The following ATXN1 variants were observed in gnomAD, a reference collection of about 807,000 sequenced individuals.
ATXN1 encodes the protein ataxin-1.
A neutral mutation model predicts 56.4 loss-of-function variants in ATXN1; 8 were observed. That is an observed-to-expected ratio of 0.14 (90% CI 0.08 to 0.26). The LOEUF (loss-of-function observed/expected upper bound fraction) is 0.26, where lower values mean the gene tolerates loss of function less well. Among genes scored for constraint, ATXN1 ranks in the 10% least tolerant of loss-of-function variants. ATXN1 has a pLI of 1.00. For synonymous variants in ATXN1, 514 were observed against 494.6 expected (o/e 1.04, Z -0.52); for missense variants, 987 against 1,106.5 (o/e 0.89, Z 1.53).
intron 6 of ATXN1, among the ~76,000 whole-genome samples, chr6:16,463,235 G>C (rs1561905858): frequency 6.6e-6 from 1 of 152,130 alleles, no homozygotes; most frequent in Non-Finnish European, 1.5e-5. Context: ...CCCAGCCAAG[G>C]CATATTCTTA....
intron 3 of ATXN1, among the ~76,000 whole-genome samples, chr6:16,651,301 T>C (rs1286418784): frequency 6.6e-6 from 1 of 152,018 alleles, no homozygotes; most frequent in East Asian, 1.9e-4. Context: ...TCCCAACACT[T>C]TGGGAGGCTT....
intron 2 of ATXN1, among the ~76,000 whole-genome samples, chr6:16,664,939 A>G (rs1758394937): frequency 6.6e-6 from 1 of 152,222 alleles, no homozygotes; most frequent in Non-Finnish European, 1.5e-5. Flanking sequence ...ACTACATGAA[A>G]TAACATCTTT....
intron 6 of ATXN1, among the ~76,000 whole-genome samples, chr6:16,403,913 GAA>G (rs368840803): frequency 1.3e-5 from 2 of 148,238 alleles, no homozygotes; most frequent in African/African-American, 2.5e-5. Context: ...GGATCTTTGG[GAA>G]AAAAAAAAAT....
chr6:16,536,302 AG>A (rs1761595855), intron 4 of ATXN1, among the ~76,000 whole-genome samples: 1 of 152,226 alleles, frequency 6.6e-6, no homozygotes, highest in Admixed American at 6.5e-5. Context: ...ATTTTGATTG[AG>A]TAATGATACA....
chr6:16,476,797 A>T (rs1760334076), intron 6 of ATXN1, among the ~76,000 whole-genome samples: 1 of 152,206 alleles, frequency 6.6e-6, no homozygotes, highest in South Asian at 2.1e-4. Flanking sequence ...TTTCAATTCC[A>T]GTCCCAGATC....
At chr6:16,343,483 T>C (rs1561859807) in intron 6 of ATXN1, among the ~76,000 whole-genome samples, 2 of 152,216 alleles carry the variant, frequency 1.3e-5, no homozygotes, top group Non-Finnish European at 2.9e-5. Flanking sequence ...GGCATTAGCC[T>C]GTATTCCAGG....
At chr6:16,357,029 G>C (rs1192400159) in intron 6 of ATXN1, among the ~76,000 whole-genome samples, 1 of 152,028 alleles carries the variant, frequency 6.6e-6, no homozygotes. Flanking sequence ...TTCACCAACA[G>C]TCTCAAATGC....
intron 2 of ATXN1, among the ~76,000 whole-genome samples, chr6:16,711,238 C>T (rs1031030323): frequency 6.6e-6 from 1 of 152,146 alleles, no homozygotes; most frequent in Non-Finnish European, 1.5e-5. Flanking sequence ...TGAATCTTGA[C>T]CCCTACACCT....
chr6:16,644,078 T>A (rs1311862437), intron 3 of ATXN1, among the ~76,000 whole-genome samples: 1 of 152,168 alleles, frequency 6.6e-6, no homozygotes, highest in African/African-American at 2.4e-5. Context: ...ACAATAGAGG[T>A]TACCAGGGGC....
intron 3 of ATXN1, among the ~76,000 whole-genome samples, chr6:16,639,395 C>T (rs1763663785): frequency 1.3e-5 from 2 of 152,156 alleles, no homozygotes; most frequent in Non-Finnish European, 2.9e-5. Context: ...CTCACCGCAA[C>T]CTCCACCTCC....
chr6:16,532,298 T>C (rs1409141095), intron 4 of ATXN1, among the ~76,000 whole-genome samples: 1 of 152,204 alleles, frequency 6.6e-6, no homozygotes, highest in Non-Finnish European at 1.5e-5. Context: ...GTCGGTGGTA[T>C]ATTCTGCAGC....
intron 3 of ATXN1, among the ~76,000 whole-genome samples, chr6:16,655,766 CA>C (rs1446832620): frequency 1.3e-5 from 2 of 151,792 alleles, no homozygotes; most frequent in African/African-American, 2.4e-5. Flanking sequence ...CACTGTGCCA[CA>C]TTTTTTTTTA....
intron 6 of ATXN1, among the ~76,000 whole-genome samples, chr6:16,370,012 C>A (rs1762006388): frequency 6.6e-6 from 1 of 152,208 alleles, no homozygotes; most frequent in African/African-American, 2.4e-5. Flanking sequence ...CTTCCCTCCT[C>A]TACCATTTTT....
chr6:16,407,402 T>C (rs1758707134), intron 6 of ATXN1, among the ~76,000 whole-genome samples: 1 of 152,216 alleles, frequency 6.6e-6, no homozygotes. Context: ...AAGCTCTTCT[T>C]CCAATGGCAC....
chr6:16,624,189 A>G (rs944248307), intron 3 of ATXN1, among the ~76,000 whole-genome samples: 7 of 152,048 alleles, frequency 4.6e-5, no homozygotes, highest in Non-Finnish European at 8.8e-5. Flanking sequence ...TGTCTCTACT[A>G]AAAATACAGA....
chr6:16,486,923 G>A (rs535265920), intron 5 of ATXN1, among the ~76,000 whole-genome samples: 1 of 152,022 alleles, frequency 6.6e-6, no homozygotes, highest in African/African-American at 2.4e-5. Flanking sequence ...CACCAGAGTG[G>A]CACAGCGAGG....
intron 6 of ATXN1, among the ~76,000 whole-genome samples, chr6:16,398,380 C>G (rs1181417478): frequency 1.3e-5 from 2 of 152,160 alleles, no homozygotes; most frequent in East Asian, 3.9e-4. Context: ...AAGCCTAAGG[C>G]ATCTAATTTA....
chr6:16,389,723 A>T (rs552399003), intron 6 of ATXN1, among the ~76,000 whole-genome samples: 5 of 152,354 alleles, frequency 3.3e-5, no homozygotes, highest in African/African-American at 1.2e-4. Flanking sequence ...GGAAAGCACT[A>T]ACTAAACATT....
intron 1 of ATXN1, among the ~76,000 whole-genome samples, chr6:16,756,610 C>T (rs1036276089): frequency 1.3e-5 from 2 of 152,140 alleles, no homozygotes; most frequent in Admixed American, 6.5e-5. Flanking sequence ...ACTAATCATT[C>T]GAACTATTGA....
Sources: gnomAD v4.1 joint callset for allele counts (sites outside exome capture counted in the v4.1 genomes callset) on GRCh38, gnomAD v4.1.1 for gene constraint, MANE v1.5 for transcripts, NCBI Gene and HGNC (gene_info 2026-07-23, HGNC 2026-07-21) for gene names.